Variants in TBC1D4 observed in about 807,000 individuals in gnomAD.
TBC1D4 encodes TBC1 domain family member 4, also known as TBC (Tre-2, BUB2, CDC16) domain-containing protein.
In TBC1D4, 121 loss-of-function variants were observed where a neutral mutation model predicts 142.5. The ratio of observed to expected loss-of-function variants is 0.85; its 90% CI spans 0.73 to 0.99. The LOEUF is 0.99. TBC1D4 is among the 50% of genes least tolerant of loss of function. The pLI, the probability that TBC1D4 is intolerant of heterozygous loss-of-function variation, is 0.00. For missense variants in TBC1D4, 1,475 were observed against 1,606.6 expected (o/e 0.92, Z 1.40); for synonymous variants, 630 against 628.2 (o/e 1.00, Z -0.04).
intron 1 of TBC1D4, among the ~76,000 whole-genome samples, chr13:75,458,082 T>TTTACACCCTCTCCTC (rs1216512189): frequency 5.9e-5 from 9 of 152,124 alleles, no homozygotes; most frequent in Non-Finnish European, 2.9e-5. Context: ...GTGACAGCCT[T>TTTACACCCTCTCCTC]TTACACCCTC....
At chr13:75,355,088 T>C (rs1881931508) in intron 4 of TBC1D4, among the ~76,000 whole-genome samples, 1 of 152,194 alleles carries the variant, frequency 6.6e-6, no homozygotes, top group South Asian at 2.1e-4. Flanking sequence ...ACAAATTCAC[T>C]CCTACTTCTT....
At chr13:75,372,332 G>A (rs1031762639) in intron 1 of TBC1D4, among the ~76,000 whole-genome samples, 1 of 151,142 alleles carries the variant, frequency 6.6e-6, no homozygotes, top group Non-Finnish European at 1.5e-5. Flanking sequence ...GCAGTGGCAC[G>A]ATCTCAGCTC....
intron 1 of TBC1D4, among the ~76,000 whole-genome samples, chr13:75,429,729 G>A (rs536902409): frequency 2.6e-5 from 4 of 151,754 alleles, no homozygotes; most frequent in Non-Finnish European, 5.9e-5. Flanking sequence ...GAGAGAAATT[G>A]GAAAAAATTT....
At chr13:75,408,491 G>A (rs942098641) in intron 1 of TBC1D4, among the ~76,000 whole-genome samples, 1 of 152,300 alleles carries the variant, frequency 6.6e-6, no homozygotes, top group East Asian at 1.9e-4. Flanking sequence ...ATCATATAAT[G>A]GTGAAGTCCA....
chr13:75,343,688 G>C (rs1880910909), intron 5 of TBC1D4, among the ~76,000 whole-genome samples: 1 of 152,004 alleles, frequency 6.6e-6, no homozygotes. Context: ...AGCTACTTTT[G>C]TATTTTTAGT....
chr13:75,415,387 A>G (rs1255838096), intron 1 of TBC1D4, among the ~76,000 whole-genome samples: 1 of 152,218 alleles, frequency 6.6e-6, no homozygotes, highest in Admixed American at 6.5e-5. Context: ...TGACATTTCC[A>G]GTACAGATGA....
At position 75,461,204 on chromosome 13, in the gene TBC1D4, G is replaced by A. The variant is rs75416604; in HGVS notation, c.498+20066C>T. On this transcript the variant is annotated intron_variant, in intron 1 of 20. Coordinates refer to ENST00000377636, the MANE Select transcript of TBC1D4 (RefSeq NM_014832.5). ...ACTGAATGTCTGCAAAGCAATCAGA[G>A]CTCAAATTCAGTTGAGCCACTTTTT... Among the ~76,000 whole-genome samples, 942 of 152,292 alleles carry A rather than the reference G, an allele frequency of 6.2e-3. 31 individuals carry two copies. The South Asian group carries it at 0.098, about 16-fold the overall frequency.
At chr13:75,358,194 A>G (rs1434156419) in intron 3 of TBC1D4, among the ~76,000 whole-genome samples, 1 of 152,136 alleles carries the variant, frequency 6.6e-6, no homozygotes, top group African/African-American at 2.4e-5. Context: ...TCATTCATTC[A>G]ACATGTATTG....
intron 1 of TBC1D4, among the ~76,000 whole-genome samples, chr13:75,441,003 T>C (rs1208787441): frequency 1.3e-5 from 2 of 152,150 alleles, no homozygotes; most frequent in African/African-American, 4.8e-5. Context: ...ACGCCTGTAA[T>C]TCCAACACTT....
intron 1 of TBC1D4, among the ~76,000 whole-genome samples, chr13:75,402,920 T>C (rs575591611): frequency 3.9e-5 from 6 of 152,290 alleles, no homozygotes; most frequent in Admixed American, 2.6e-4. Context: ...CTGAACATCT[T>C]CCATCCCCTG....
At chr13:75,327,116 A>G (rs1879332856) in intron 9 of TBC1D4, among the ~76,000 whole-genome samples, 1 of 152,220 alleles carries the variant, frequency 6.6e-6, no homozygotes, top group African/African-American at 2.4e-5. Flanking sequence ...CAATTTAGAC[A>G]GGTATGCTGT....
chr13:75,398,488 G>A (rs906134328), intron 1 of TBC1D4, among the ~76,000 whole-genome samples: 6 of 152,194 alleles, frequency 3.9e-5, no homozygotes, highest in Admixed American at 3.9e-4. Flanking sequence ...GAGGAAAACT[G>A]TTGTAATGTA....
chr13:75,326,503 A>G (rs1879280300), intron 9 of TBC1D4, 80 bp from the exon 10 acceptor site: 1 of 1,430,762 alleles, frequency 7.0e-7, no homozygotes, highest in Non-Finnish European at 9.8e-7. Flanking sequence ...CTCAAAAGTG[A>G]CAGTGTGCCT....
At chr13:75,386,650 A>G (rs1370788430) in intron 1 of TBC1D4, among the ~76,000 whole-genome samples, 2 of 152,146 alleles carry the variant, frequency 1.3e-5, no homozygotes, top group Non-Finnish European at 2.9e-5. Context: ...GGCCTCCCAA[A>G]GTGCTGGGAT....
chr13:75,324,529 A>C lies in TBC1D4; in HGVS notation c.2034-128T>G, dbSNP rs1012797635. 6 of 1,079,458 alleles carry C rather than the reference A, an allele frequency of 5.6e-6. No individual in the cohort carries two copies. In the African/African-American group the frequency reaches 9.6e-5, roughly 17 times the overall value. The allele number at this position is 1,079,458 out of a possible 1,614,324, so 66.9% of individuals were successfully genotyped here. A position where few individuals can be genotyped will look rare whatever the true frequency, so the allele number is the denominator to read the frequency against. On this transcript the variant is annotated intron_variant, in intron 10 of 20. Coordinates refer to ENST00000377636, the MANE Select transcript of TBC1D4 (RefSeq NM_014832.5). ...CTTTCCTTTCAAGGCTCAGGGCTGG[A>C]TCTTACATGAAAAAAAAAGAAGAAG...
intron 17 of TBC1D4, among the ~76,000 whole-genome samples, chr13:75,295,853 G>T (rs1016737950): frequency 6.6e-6 from 1 of 152,076 alleles, no homozygotes; most frequent in African/African-American, 2.4e-5. Flanking sequence ...AGTTATATTG[G>T]CTTGATATTT....
At chr13:75,323,254 G>C (rs1878934573) in intron 11 of TBC1D4, among the ~76,000 whole-genome samples, 1 of 151,978 alleles carries the variant, frequency 6.6e-6, no homozygotes, top group Non-Finnish European at 1.5e-5. Flanking sequence ...CAAACAACAA[G>C]AAACAACCCA....
At chr13:75,342,892 T>C (rs1880827525) in intron 5 of TBC1D4, among the ~76,000 whole-genome samples, 1 of 152,002 alleles carries the variant, frequency 6.6e-6, no homozygotes, top group Admixed American at 6.6e-5. Context: ...TAAAATCATT[T>C]GTTATTATAA....
intron 1 of TBC1D4, among the ~76,000 whole-genome samples, chr13:75,460,361 T>C (rs990210116): frequency 2.0e-5 from 3 of 152,050 alleles, no homozygotes; most frequent in Admixed American, 1.3e-4. Flanking sequence ...AGGATGGGGA[T>C]TGATATCAAG....
Sources: gnomAD v4.1 joint callset for allele counts (sites outside exome capture counted in the v4.1 genomes callset) on GRCh38, gnomAD v4.1.1 for gene constraint, MANE v1.5 for transcripts, NCBI Gene and HGNC (gene_info 2026-07-23, HGNC 2026-07-21) for gene names.